Variants in NLRC4 observed in about 807,000 individuals in gnomAD.
The protein encoded by NLRC4 is NLR family CARD domain-containing protein 4.
A neutral mutation model predicts 79.9 loss-of-function variants in NLRC4; 63 were observed. The observed-to-expected ratio is 0.79, with a 90% CI of 0.64 to 0.97. The LOEUF (loss-of-function observed/expected upper bound fraction) is 0.97, where lower values mean the gene tolerates loss of function less well. Among genes scored for constraint, NLRC4 ranks in the 50% least tolerant of loss-of-function variants. The probability of loss-of-function intolerance (pLI) is 0.00; values close to 1 mark genes in which losing one functional copy is unlikely to be tolerated. For missense variants in NLRC4, 1,074 were observed against 1,215.2 expected (o/e 0.88, Z 1.73); for synonymous variants, 461 against 456.5 (o/e 1.01, Z -0.12).
chr2:32,262,865 G>T (rs1299571858), intron 1 of NLRC4, among the ~76,000 whole-genome samples: 1 of 151,612 alleles, frequency 6.6e-6, no homozygotes, highest in Non-Finnish European at 1.5e-5. Context: ...AAGCTGTCCA[G>T]TGAATAACTG....
At chr2:32,241,394 T>TG (rs1491204817) in intron 4 of NLRC4, among the ~76,000 whole-genome samples, 2 of 105,104 alleles carry the variant, frequency 1.9e-5, no homozygotes, top group Non-Finnish European at 2.0e-5. Flanking sequence ...TTTTTTTTTT[T>TG]GAGACAGAGT....
chr2:32,233,134 G>GAGGAAGGA lies in NLRC4; in HGVS notation c.2782+2259_2782+2266dup, dbSNP rs763764067. On this transcript the variant is annotated intron_variant, in intron 8 of 8. Transcript: ENST00000402280. ...AAGAGAAAGAGAGGGGTGGGGGAGGGAGGAAGGAAGGAAGGAAGGAAGGAA... is the reference window on the plus strand; with the variant it reads ...AAGAGAAAGAGAGGGGTGGGGGAGGGAGGAAGGAAGGAAGGAAGGAAGGAAGGAAGGAA... Among the ~76,000 whole-genome samples the GAGGAAGGA allele has an allele frequency of 8.2e-3, 277 of 33,692 alleles. 4 individuals carry two copies. Among genetic ancestry groups the GAGGAAGGA allele is most frequent in the Middle Eastern group, 0.031 (2 of 64 alleles). 22.1% of individuals were successfully genotyped at this position (33,692 alleles called of 152,430 possible).
chr2:32,254,458 C>G (rs1306498876), intron 2 of NLRC4, among the ~76,000 whole-genome samples: 1 of 151,802 alleles, frequency 6.6e-6, no homozygotes, highest in African/African-American at 2.4e-5. Flanking sequence ...CTTTTTGTGT[C>G]TGACTCTGCA....
At chr2:32,235,323 G>T in intron 8 of NLRC4, 78 bp downstream of exon 8, 1 of 983,248 alleles carries the variant, frequency 1.0e-6, no homozygotes, top group Non-Finnish European at 1.6e-6. Context: ...AAAATAAGGG[G>T]GCAAAATAAG....
intron 8 of NLRC4, among the ~76,000 whole-genome samples, chr2:32,229,370 A>G (rs1686478571): frequency 6.6e-6 from 1 of 152,200 alleles, no homozygotes; most frequent in South Asian, 2.1e-4. Context: ...AGGCTGAGGC[A>G]GGAGAATCAC....
In NLRC4 at chr2:32,250,438, T is replaced by A. The variant is rs1462120376; in HGVS notation, c.1426A>T (p.Lys476Ter). 6.2e-7 allele frequency: 1 copy of A among 1,614,236 alleles called. No homozygotes were observed. Among genetic ancestry groups the A allele is most frequent in the Admixed American group, 1.7e-5 (1 of 60,024 alleles). ...GTAATGTCCGAAATGGAAACCATTT[T>A]CTGCAAGTAACCATTCCCCTTGGTC... ...EVTKGNGYLQ[K>*]MVSISDITST... The change falls in exon 4 of 9, where the codon AAA (lysine) becomes TAA (stop). Residue 476 changes from lysine to a stop codon, truncating the protein, a stop_gained. Coordinates refer to ENST00000402280, the MANE Select transcript of NLRC4 (RefSeq NM_001199138.2). LOFTEE classifies it high-confidence loss of function. The surrounding 1 kb of genome is among the most constrained non-coding windows in gnomAD (Gnocchi z 4.9).
At chr2:32,253,427 C>T (rs879454244) in intron 2 of NLRC4, among the ~76,000 whole-genome samples, 5 of 151,914 alleles carry the variant, frequency 3.3e-5, no homozygotes, top group South Asian at 2.1e-4. Context: ...GGATTACAGG[C>T]GTGAGCCACC....
intron 4 of NLRC4, 120 bp downstream of exon 4, chr2:32,249,486 TG>T: frequency 1.2e-6 from 1 of 817,158 alleles, no homozygotes; most frequent in Non-Finnish European, 1.9e-6. Context: ...GCCTGTGGGA[TG>T]GCCACCTTGC....
Position 32,249,922 on chromosome 2 carries a change from C to G in NLRC4, c.1942G>C (p.Ala648Pro), listed in dbSNP as rs780334402. The part of the protein sequence containing the change: ...EAPETYIPSR[A>P]VSLFFNWKQE... ...TTCCAGTTGAAGAACAAAGATACAG[C>G]CCTGCTGGGAATGTAGGTTTCTGGG... Residue 648 changes from alanine (A) to proline (P), a missense_variant, in exon 4 of 9, where the codon GCT (alanine) becomes CCT (proline). Transcript: ENST00000402280. 1 of 1,614,208 alleles carries G rather than the reference C, an allele frequency of 6.2e-7. No individual in the cohort carries two copies. Among genetic ancestry groups the G allele is most frequent in the South Asian group, 1.1e-5 (1 of 91,082 alleles).
intron 1 of NLRC4, among the ~76,000 whole-genome samples, chr2:32,261,605 C>T (rs182087010): frequency 1.3e-5 from 2 of 151,016 alleles, no homozygotes; most frequent in East Asian, 2.0e-4. Flanking sequence ...CCACCATGCC[C>T]GGCCTAAAAC....
chr2:32,225,625 C>A (rs908501137), intron 8 of NLRC4, among the ~76,000 whole-genome samples: 1 of 152,138 alleles, frequency 6.6e-6, no homozygotes, highest in Non-Finnish European at 1.5e-5. Flanking sequence ...GTGTTAATTA[C>A]ACATATTAAA....
In NLRC4 at chr2:32,249,487, G is replaced by T. The variant is rs544380731; in HGVS notation, c.2257+120C>A. ...AGGCATGTTTCTCAGCCTGTGGGAT[G>T]GCCACCTTGCAGGCTGTAACCCTTT... On this transcript the variant is annotated intron_variant, in intron 4 of 8. Transcript: ENST00000402280. 4 of 817,764 alleles carry T rather than the reference G, an allele frequency of 4.9e-6. No homozygotes were observed. The Admixed American group carries it at 7.7e-5, about 16-fold the overall frequency. The allele number at this position is 817,764 out of a possible 1,614,324, so 50.7% of individuals were successfully genotyped here. A position where few individuals can be genotyped will look rare whatever the true frequency, so the allele number is the denominator to read the frequency against.
At chr2:32,230,205 T>G (rs1686497535) in intron 8 of NLRC4, among the ~76,000 whole-genome samples, 1 of 152,086 alleles carries the variant, frequency 6.6e-6, no homozygotes, top group Admixed American at 6.6e-5. Context: ...AACAGTCACA[T>G]CCTCTGTGAA....
At chr2:32,243,533 G>A (rs212725) in intron 4 of NLRC4, among the ~76,000 whole-genome samples, 94,545 of 151,778 alleles carry the variant, frequency 0.62, 29,715 homozygotes, top group African/African-American at 0.68. Context: ...CAGGCGTGGT[G>A]GCTCACACTT....
chr2:32,246,066 C>A (rs1482992842), intron 4 of NLRC4, among the ~76,000 whole-genome samples: 1 of 152,146 alleles, frequency 6.6e-6, no homozygotes, highest in Non-Finnish European at 1.5e-5. Context: ...TGCCTGTAAT[C>A]CCAGCTACTT....
At chr2:32,242,580 A>G (rs1456566858) in intron 4 of NLRC4, among the ~76,000 whole-genome samples, 1 of 152,164 alleles carries the variant, frequency 6.6e-6, no homozygotes, top group Non-Finnish European at 1.5e-5. Context: ...TCTGCCACAC[A>G]TTTTCATTTT....
chr2:32,257,769 A>G (rs1304217293), intron 1 of NLRC4, among the ~76,000 whole-genome samples: 1 of 151,970 alleles, frequency 6.6e-6, no homozygotes, highest in South Asian at 2.1e-4. Context: ...AGGGCTTGCG[A>G]TGGGGGTGTG....
chr2:32,233,580 G>A (rs1346412405), intron 8 of NLRC4, among the ~76,000 whole-genome samples: 2 of 151,700 alleles, frequency 1.3e-5, no homozygotes, highest in African/African-American at 4.8e-5. Flanking sequence ...CCATATGTTT[G>A]TATAGTTTCC....
In NLRC4 at chr2:32,241,629, C is replaced by T. The variant is rs1017360594; in HGVS notation, c.2258-504G>A. On this transcript the variant is annotated intron_variant, in intron 4 of 8. Coordinates refer to ENST00000402280, the MANE Select transcript of NLRC4 (RefSeq NM_001199138.2). ...TCCTGACCTCGTGATCCGCCTGCCT[C>T]GGCCTCCCGAAGTGCTGGGATTACA... Among the ~76,000 whole-genome samples the T allele has an allele frequency of 7.2e-5, 11 of 152,108 alleles. 1 individual carries two copies. The highest frequency in any genetic ancestry group is 2.9e-5 in the Non-Finnish European group (2 of 68,022).
Sources: allele counts gnomAD v4.1 joint callset (sites outside exome capture counted in the v4.1 genomes callset), GRCh38; gene constraint gnomAD v4.1.1; non-coding constraint Gnocchi (gnomAD v3.1); transcripts MANE v1.5; gene names NCBI Gene and HGNC (gene_info 2026-07-23, HGNC 2026-07-21).